Variants in GAP43 observed in about 807,000 individuals in gnomAD.
GAP43 encodes the protein growth associated protein 43.
In GAP43, 6 loss-of-function variants were observed where a neutral mutation model predicts 18.6. The observed-to-expected ratio is 0.32, with a 90% CI of 0.18 to 0.64. The LOEUF (loss-of-function observed/expected upper bound fraction) is 0.64. GAP43 is among the 30% of genes least tolerant of loss of function. The pLI is 0.78. For synonymous variants in GAP43, 115 were observed against 111.4 expected (o/e 1.03, Z -0.20); for missense variants, 292 against 295.5 (o/e 0.99, Z 0.09).
intron 1 of GAP43, among the ~76,000 whole-genome samples, chr3:115,670,720 T>A (rs146959842): frequency 0.016 from 2,401 of 152,302 alleles, 30 homozygotes; most frequent in Non-Finnish European, 0.024. Context: ...CATAAGTAGG[T>A]ACTTCCCAGA....
intron 1 of GAP43, among the ~76,000 whole-genome samples, chr3:115,633,620 C>G (rs962680238): frequency 1.3e-5 from 2 of 152,156 alleles, no homozygotes; most frequent in African/African-American, 2.4e-5. Flanking sequence ...ACACAGATAA[C>G]TGAACCTATG....
rs1157213211 is a variant in GAP43 at position 115,644,273 on chromosome 3, G to T, written c.30+20554G>T. Reference sequence around the variant, plus strand: ...TTTATTTATTGCAGGCACTGTAGGGGAAATGCTTGCTTTGCCACTGGCACC... The same window carrying T: ...TTTATTTATTGCAGGCACTGTAGGGTAAATGCTTGCTTTGCCACTGGCACC... On this transcript the variant is annotated intron_variant, in intron 1 of 2. Coordinates refer to ENST00000305124, the MANE Select transcript of GAP43 (RefSeq NM_002045.4). This position sits in a 1 kb window ranked among gnomAD's most constrained non-coding sequence, Gnocchi z 4.2. 1.3e-5 allele frequency among the ~76,000 whole-genome samples: 2 copies of T among 152,018 alleles called. No individual in the cohort carries two copies. Among genetic ancestry groups the T allele is most frequent in the Non-Finnish European group, 2.9e-5 (2 of 67,976 alleles).
At chr3:115,683,145 G>GCGCGCA (rs1553723499) in intron 2 of GAP43, among the ~76,000 whole-genome samples, 2 of 105,486 alleles carry the variant, frequency 1.9e-5, no homozygotes, top group Non-Finnish European at 4.3e-5. Flanking sequence ...GCGCGCGCGC[G>GCGCGCA]CGCACACACA....
At chr3:115,717,182 G>A (rs1038804712) in intron 2 of GAP43, among the ~76,000 whole-genome samples, 20 of 152,144 alleles carry the variant, frequency 1.3e-4, no homozygotes, top group African/African-American at 4.8e-4. Context: ...ATGAGGTTAT[G>A]TGCTGGACAT....
At chr3:115,704,601 T>G (rs530448940) in intron 2 of GAP43, among the ~76,000 whole-genome samples, 31 of 152,166 alleles carry the variant, frequency 2.0e-4, no homozygotes, top group African/African-American at 7.2e-4. Flanking sequence ...AAAATTATAT[T>G]GAATTACCTT....
intron 1 of GAP43, among the ~76,000 whole-genome samples, chr3:115,630,431 A>T (rs921270781): frequency 1.3e-5 from 2 of 152,078 alleles, no homozygotes; most frequent in African/African-American, 2.4e-5. Flanking sequence ...GATGAATTGG[A>T]TTTTTCTTAG....
rs80104643 is a variant in GAP43 at position 115,691,217 on chromosome 3, G to A, written c.628+14607G>A. Among the ~76,000 whole-genome samples, 11 of 152,246 alleles carry A rather than the reference G, an allele frequency of 7.2e-5. No homozygotes were observed. The Middle Eastern group carries it at 0.01, about 142-fold the overall frequency. On this transcript the variant is annotated intron_variant, in intron 2 of 2. Coordinates refer to ENST00000305124, the MANE Select transcript of GAP43 (RefSeq NM_002045.4). The stretch of plus-strand genomic sequence containing the variant: ...TATTTCAGAGTACTATTTTGTATTC[G>A]AAGTAATACAAAAGACAAATATATT...
intron 2 of GAP43, among the ~76,000 whole-genome samples, chr3:115,720,325 G>A (rs972540812): frequency 2.0e-5 from 3 of 152,144 alleles, no homozygotes; most frequent in African/African-American, 7.2e-5. Context: ...CTGTCCCACA[G>A]GAGCTGAAAA....
intron 1 of GAP43, among the ~76,000 whole-genome samples, chr3:115,648,691 C>T (rs553610549): frequency 2.0e-5 from 3 of 152,046 alleles, no homozygotes; most frequent in Admixed American, 1.3e-4. Context: ...TATTCATCTT[C>T]GTGGCATTAG....
At chr3:115,657,582 G>A (rs767876443) in intron 1 of GAP43, among the ~76,000 whole-genome samples, 6 of 152,272 alleles carry the variant, frequency 3.9e-5, no homozygotes, top group Middle Eastern at 3.4e-3. Flanking sequence ...TGGGTGAGAA[G>A]CTATCAGGTA....
At chr3:115,628,829 A>G (rs11922043) in intron 1 of GAP43, among the ~76,000 whole-genome samples, 48,544 of 152,024 alleles carry the variant, frequency 0.32, 8,012 homozygotes, top group Non-Finnish European at 0.37. Context: ...GGTCATCCAC[A>G]TCCAAATCTT....
intron 1 of GAP43, among the ~76,000 whole-genome samples, chr3:115,632,740 A>G (rs748593102): frequency 4.6e-5 from 7 of 152,216 alleles, no homozygotes; most frequent in Non-Finnish European, 1.0e-4. Flanking sequence ...TTTTCCCAAA[A>G]TACTTTTATA....
chr3:115,718,621 A>C (rs1709539794), intron 2 of GAP43, among the ~76,000 whole-genome samples: 1 of 152,218 alleles, frequency 6.6e-6, no homozygotes, highest in Non-Finnish European at 1.5e-5. Flanking sequence ...CATCACTAGA[A>C]TAGCTATATT....
chr3:115,659,345 C>A (rs59981255), intron 1 of GAP43, among the ~76,000 whole-genome samples: 6,824 of 152,074 alleles, frequency 0.045, 484 homozygotes, highest in African/African-American at 0.15. Flanking sequence ...CTATGAAATG[C>A]AGGTTCTATA....
chr3:115,701,142 T>C (rs1414958676), intron 2 of GAP43, among the ~76,000 whole-genome samples: 1 of 152,194 alleles, frequency 6.6e-6, no homozygotes, highest in East Asian at 1.9e-4. Flanking sequence ...GTGACTATTT[T>C]AGCTACCACT....
At chr3:115,701,889 A>C (rs772664803) in intron 2 of GAP43, among the ~76,000 whole-genome samples, 1 of 152,150 alleles carries the variant, frequency 6.6e-6, no homozygotes, top group Non-Finnish European at 1.5e-5. Context: ...TATATTTAAC[A>C]TCAATTGTAT....
intron 2 of GAP43, among the ~76,000 whole-genome samples, chr3:115,711,091 C>T (rs546840125): frequency 3.6e-4 from 55 of 152,196 alleles, no homozygotes; most frequent in Non-Finnish European, 6.0e-4. Context: ...AGAGAAATTA[C>T]CTAATTTCTT....
chr3:115,652,024 A>G (rs1432870830), intron 1 of GAP43, among the ~76,000 whole-genome samples: 6 of 151,924 alleles, frequency 3.9e-5, no homozygotes, highest in Non-Finnish European at 7.4e-5. Context: ...TTCCACCTTC[A>G]TAGCTTCAAC....
At chr3:115,665,989 A>AGTTTGTGTGTGTGTGT (rs1273344906) in intron 1 of GAP43, among the ~76,000 whole-genome samples, 141 of 61,730 alleles carry the variant, frequency 2.3e-3, no homozygotes, top group African/African-American at 6.7e-3. Flanking sequence ...TGGCTAAATG[A>AGTTTGTGTGTGTGTGT]GTGTGTGTGT....
Sources: gnomAD v4.1 joint callset for allele counts (sites outside exome capture counted in the v4.1 genomes callset) on GRCh38, gnomAD v4.1.1 for gene constraint, Gnocchi (gnomAD v3.1) non-coding constraint, MANE v1.5 for transcripts, NCBI Gene and HGNC (gene_info 2026-07-23, HGNC 2026-07-21) for gene names.